SLC23A2: variants seen among roughly 807,000 people sequenced by gnomAD.
SLC23A2 encodes solute carrier family 23 member 2, also known as Na(+)/L-ascorbic acid transporter 2.
In SLC23A2, 36 loss-of-function variants were observed where a neutral mutation model predicts 73.3. The observed-to-expected ratio is 0.49, with a 90% confidence interval of 0.38 to 0.65. The LOEUF is 0.65. SLC23A2 is among the 30% of genes least tolerant of loss of function. SLC23A2 has a pLI of 0.00. For synonymous variants in SLC23A2, 343 were observed against 327.3 expected, an observed-to-expected ratio of 1.05 and a Z score of -0.52; for missense variants, 507 against 841.6, an observed-to-expected ratio of 0.60 and a Z score of 4.92.
chr20:4,860,556 TG>T (rs1248031641), intron 15 of SLC23A2, among the ~76,000 whole-genome samples: 1 of 152,222 alleles, frequency 6.6e-6, no homozygotes, highest in Non-Finnish European at 1.5e-5. Context: ...TCCCCAGCAA[TG>T]GTTCAGTATT....
chr20:4,918,157 A>G (rs1255320852), intron 3 of SLC23A2, among the ~76,000 whole-genome samples: 1 of 152,208 alleles, frequency 6.6e-6, no homozygotes, highest in Non-Finnish European at 1.5e-5. Context: ...TCTAAACTTA[A>G]TAAAGTCTGG....
At chr20:4,988,104 G>T (rs1005498229) in intron 1 of SLC23A2, among the ~76,000 whole-genome samples, 8 of 150,922 alleles carry the variant, frequency 5.3e-5, no homozygotes, top group Admixed American at 4.0e-4. Flanking sequence ...TTCAAAACAA[G>T]CCTGGCCAAC....
intron 1 of SLC23A2, among the ~76,000 whole-genome samples, chr20:4,988,637 G>A (rs2087870536): frequency 6.6e-6 from 1 of 151,764 alleles, no homozygotes; most frequent in Non-Finnish European, 1.5e-5. Flanking sequence ...TCGGGAGGCT[G>A]AGGCAGGAGA....
exon 1 of SLC23A2, chr20:5,010,200 T>A (rs546997483): frequency 6.6e-6 from 1 of 152,210 alleles, no homozygotes; most frequent in South Asian, 2.1e-4. Flanking sequence ...GTCTGCAAGC[T>A]GGGGAACCTG....
At position 4,991,720 on chromosome 20, in the gene SLC23A2, TCACACACACACACACACACA is replaced by T. The variant is rs11471369; in HGVS notation, c.-282+9666_-282+9685del. Among the ~76,000 whole-genome samples, 10 of 139,426 alleles carry T rather than the reference TCACACACACACACACACACA, an allele frequency of 7.2e-5. No individual in the cohort carries two copies. The South Asian group carries it at 7.2e-4, about 10-fold the overall frequency. The allele number at this position is 139,426 out of a possible 152,430, so 91.5% of individuals were successfully genotyped here. A position where few individuals can be genotyped will look rare whatever the true frequency, so the allele number is the denominator to read the frequency against. ...CTGGGTGACAGAGAGAGACTCCGTT[TCACACACACACACACACACA>T]CACACACACACACACACACACACAA... On this transcript the variant is annotated intron_variant, in intron 1 of 16. Coordinates refer to ENST00000338244, the MANE Select transcript of SLC23A2 (RefSeq NM_005116.6).
intron 1 of SLC23A2, among the ~76,000 whole-genome samples, chr20:4,979,561 T>C (rs998397667): frequency 3.3e-5 from 5 of 151,930 alleles, no homozygotes; most frequent in Admixed American, 2.0e-4. Flanking sequence ...TGTCTAAATA[T>C]ATGAAAAAAA....
intron 3 of SLC23A2, among the ~76,000 whole-genome samples, chr20:4,919,846 G>A (rs898473653): frequency 6.6e-6 from 1 of 152,102 alleles, no homozygotes. Context: ...AAATATGGAA[G>A]GGACACAAAC....
At chr20:4,982,732 G>T (rs1273124317) in intron 1 of SLC23A2, among the ~76,000 whole-genome samples, 1 of 152,064 alleles carries the variant, frequency 6.6e-6, no homozygotes, top group Non-Finnish European at 1.5e-5. Context: ...CTAAATATGT[G>T]ATTTTCAAAA....
chr20:4,968,483 C>G (rs967340853), intron 2 of SLC23A2, among the ~76,000 whole-genome samples: 7 of 152,110 alleles, frequency 4.6e-5, no homozygotes, highest in African/African-American at 1.7e-4. Context: ...AGTCGTCCAC[C>G]ACAGGATAAT....
At chr20:4,896,028 G>C (rs1363548122) in intron 6 of SLC23A2, among the ~76,000 whole-genome samples, 1 of 152,178 alleles carries the variant, frequency 6.6e-6, no homozygotes, top group African/African-American at 2.4e-5. Flanking sequence ...GCCTCGTCTG[G>C]CCTAGCGCAA....
intron 2 of SLC23A2, among the ~76,000 whole-genome samples, chr20:4,948,493 A>G (rs1301275493): frequency 6.6e-6 from 1 of 152,178 alleles, no homozygotes; most frequent in Admixed American, 6.5e-5. Context: ...CTCCCAAGAT[A>G]AGGAAAAGGG....
intron 3 of SLC23A2, among the ~76,000 whole-genome samples, chr20:4,925,479 A>G (rs867370595): frequency 3.7e-4 from 56 of 152,162 alleles, no homozygotes; most frequent in Non-Finnish European, 1.5e-4. Context: ...ATTCCAGGAC[A>G]GAGCCTCACG....
chr20:4,986,974 C>T (rs1030884250), intron 1 of SLC23A2, among the ~76,000 whole-genome samples: 3 of 151,232 alleles, frequency 2.0e-5, no homozygotes, highest in African/African-American at 7.4e-5. Context: ...CTTCCTACTC[C>T]CACTAAATTC....
intron 2 of SLC23A2, among the ~76,000 whole-genome samples, chr20:4,946,436 G>A (rs560648589): frequency 5.1e-4 from 77 of 152,328 alleles, no homozygotes; most frequent in African/African-American, 1.7e-3. Flanking sequence ...CTGGATAAAC[G>A]TGGGAAATTT....
At position 5,001,475 on chromosome 20, in the gene SLC23A2, G is replaced by T. The variant is rs902858477; in HGVS notation, c.-351C>A. On this transcript the variant is annotated 5_prime_UTR_variant, in exon 1 of 17. Transcript: ENST00000338244. ...CGCCGCAGTGCCCGCTGCAGCCTCC[G>T]CCTCCGGTCCCCGCGACAGCCGCCT... 2.7e-5 allele frequency: 4 copies of T among 149,656 alleles called. No individual in the cohort carries two copies. Among genetic ancestry groups the T allele is most frequent in the African/African-American group, 9.7e-5 (4 of 41,070 alleles). The allele number at this position is 149,656 out of a possible 1,614,324, so 9.3% of individuals were successfully genotyped here. A position where few individuals can be genotyped will look rare whatever the true frequency, so the allele number is the denominator to read the frequency against.
intron 2 of SLC23A2, among the ~76,000 whole-genome samples, chr20:4,946,049 A>G (rs2087114890): frequency 6.6e-6 from 1 of 152,300 alleles, no homozygotes; most frequent in South Asian, 2.1e-4. Context: ...ACTACCCCCA[A>G]TGACTGCAAT....
chr20:4,862,847 C>T lies in SLC23A2; in HGVS notation c.1417G>A (p.Gly473Arg). The T allele has an allele frequency of 6.2e-7, 1 of 1,613,914 alleles. No homozygotes were observed. Among genetic ancestry groups the T allele is most frequent in the South Asian group, 1.1e-5 (1 of 91,074 alleles). Reference protein sequence around the residue: ...AALMLALGMIGKFSALFASLP... With the variant: ...AALMLALGMIRKFSALFASLP... Reference sequence around the variant, plus strand: ...GACGCAAAGAGGGCGCTGAACTTCCCGATCATGCCCAGAGCGAGCATGAGG... The same window carrying T: ...GACGCAAAGAGGGCGCTGAACTTCCTGATCATGCCCAGAGCGAGCATGAGG... Residue 473 changes from glycine (G) to arginine (R), a missense_variant, in exon 14 of 17, where the codon GGG (glycine) becomes AGG (arginine). Coordinates refer to ENST00000338244, the MANE Select transcript of SLC23A2 (RefSeq NM_005116.6). The surrounding 1 kb of genome is among the most constrained non-coding windows in gnomAD (Gnocchi z 5.1).
upstream of SLC23A2, among the ~76,000 whole-genome samples, chr20:5,002,966 T>G (rs2088147324): frequency 6.6e-6 from 1 of 152,146 alleles, no homozygotes; most frequent in Non-Finnish European, 1.5e-5. Flanking sequence ...GACTGAGACC[T>G]GTCTCAGATA....
chr20:4,917,527 G>C (rs1932366463), intron 3 of SLC23A2, among the ~76,000 whole-genome samples: 1 of 152,104 alleles, frequency 6.6e-6, no homozygotes, highest in African/African-American at 2.4e-5. Flanking sequence ...AGGAGGTAGG[G>C]GTGGAATGTT....
Sources: allele counts gnomAD v4.1 joint callset (sites outside exome capture counted in the v4.1 genomes callset), GRCh38; gene constraint gnomAD v4.1.1; non-coding constraint Gnocchi (gnomAD v3.1); transcripts MANE v1.5; gene names NCBI Gene and HGNC (gene_info 2026-07-23, HGNC 2026-07-21).